COL19A1: variants seen among roughly 807,000 people sequenced by gnomAD.
The protein encoded by COL19A1 is collagen type XIX alpha 1 chain.
A neutral mutation model predicts 190.2 loss-of-function variants in COL19A1; 159 were observed. The observed-to-expected ratio is 0.84, with a 90% CI of 0.73 to 0.95. The LOEUF (loss-of-function observed/expected upper bound fraction) is 0.95, where lower values mean the gene tolerates loss of function less well. COL19A1 is among the 40% of genes least tolerant of loss of function. The probability of loss-of-function intolerance (pLI) is 0.00; values close to 1 mark genes in which losing one functional copy is unlikely to be tolerated. For synonymous variants in COL19A1, 509 were observed against 458.9 expected, an observed-to-expected ratio of 1.11 and a Z score of -1.39; for missense variants, 1,418 against 1,431.9, an observed-to-expected ratio of 0.99 and a Z score of 0.16.
At chr6:70,073,062 A>G (rs1781656543) in intron 15 of COL19A1, among the ~76,000 whole-genome samples, 2 of 151,798 alleles carry the variant, frequency 1.3e-5, no homozygotes, top group African/African-American at 4.8e-5. Flanking sequence ...GTCTTGGCTC[A>G]CTACAACCTC....
At chr6:70,063,996 AC>A (rs1350725846) in intron 14 of COL19A1, among the ~76,000 whole-genome samples, 1 of 152,148 alleles carries the variant, frequency 6.6e-6, no homozygotes, top group Non-Finnish European at 1.5e-5. Flanking sequence ...TAGCTTACCA[AC>A]CAAAAAGAGT....
chr6:70,148,923 T>C (rs1045202126), intron 27 of COL19A1, among the ~76,000 whole-genome samples: 1 of 65,042 alleles, frequency 1.5e-5, no homozygotes, highest in Non-Finnish European at 2.8e-5. Flanking sequence ...TGAGACTCCA[T>C]CTAAAAAAAA....
intron 18 of COL19A1, among the ~76,000 whole-genome samples, chr6:70,132,331 A>G (rs918227903): frequency 5.9e-5 from 9 of 152,076 alleles, no homozygotes; most frequent in Admixed American, 5.9e-4. Flanking sequence ...GCCAGGAGGT[A>G]GAGGCTGCAG....
chr6:69,938,235 T>C (rs1773236054), intron 9 of COL19A1, 135 bp downstream of exon 9: 2 of 778,128 alleles, frequency 2.6e-6, no homozygotes, highest in Non-Finnish European at 2.0e-6. Flanking sequence ...TATATTAAAA[T>C]GCTGATTACT....
At chr6:70,006,490 G>A (rs1236800334) in intron 11 of COL19A1, among the ~76,000 whole-genome samples, 1 of 152,176 alleles carries the variant, frequency 6.6e-6, no homozygotes, top group Non-Finnish European at 1.5e-5. Context: ...GTTCTGATGA[G>A]AGAATCTGGA....
intron 15 of COL19A1, among the ~76,000 whole-genome samples, chr6:70,081,269 A>G (rs1425820536): frequency 1.3e-5 from 2 of 152,130 alleles, no homozygotes; most frequent in African/African-American, 2.4e-5. Flanking sequence ...CTCTACCTCC[A>G]TACTACTTTC....
At chr6:70,138,468 A>G (rs907611524) in intron 19 of COL19A1, among the ~76,000 whole-genome samples, 1 of 152,178 alleles carries the variant, frequency 6.6e-6, no homozygotes, top group African/African-American at 2.4e-5. Flanking sequence ...TTCAAGAATC[A>G]GTGAGAATCA....
At chr6:70,188,028 C>T (rs1378575708) in intron 46 of COL19A1, 47 bp from the exon 47 acceptor site, 1 of 1,602,732 alleles carries the variant, frequency 6.2e-7, no homozygotes, top group African/African-American at 1.3e-5. Flanking sequence ...TCAACTACAG[C>T]TGATGCTAGA....
At chr6:70,178,750 A>G (rs1356901792) in intron 42 of COL19A1, among the ~76,000 whole-genome samples, 2 of 152,170 alleles carry the variant, frequency 1.3e-5, no homozygotes, top group African/African-American at 4.8e-5. Flanking sequence ...AGGGGACCCA[A>G]TCCTGCTCTT....
intron 49 of COL19A1, among the ~76,000 whole-genome samples, chr6:70,206,698 A>T (rs1386861850): frequency 6.6e-6 from 1 of 151,164 alleles, no homozygotes; most frequent in Non-Finnish European, 1.5e-5. Context: ...CATGTTTTTT[A>T]AGATCCTCAT....
intron 16 of COL19A1, among the ~76,000 whole-genome samples, chr6:70,119,924 C>G (rs1784789293): frequency 6.6e-6 from 1 of 152,136 alleles, no homozygotes; most frequent in South Asian, 2.1e-4. Context: ...AACCCTACCT[C>G]TACTAAAAAT....
intron 12 of COL19A1, among the ~76,000 whole-genome samples, chr6:70,031,349 C>T (rs1779063172): frequency 6.6e-6 from 1 of 152,026 alleles, no homozygotes; most frequent in Non-Finnish European, 1.5e-5. Context: ...AAGTGCAATA[C>T]ATTTTTTAAA....
At chr6:70,175,845 G>A (rs781382320) in intron 41 of COL19A1, among the ~76,000 whole-genome samples, 7 of 152,040 alleles carry the variant, frequency 4.6e-5, no homozygotes, top group Non-Finnish European at 8.8e-5. Flanking sequence ...AGCATATCTC[G>A]TCATTCATTA....
chr6:70,177,879 C>G (rs1205328095), intron 42 of COL19A1, among the ~76,000 whole-genome samples: 1 of 152,110 alleles, frequency 6.6e-6, no homozygotes, highest in East Asian at 1.9e-4. Flanking sequence ...TGCTATTACC[C>G]TAAATTAAGC....
chr6:70,198,292 A>G (rs1767336232), intron 48 of COL19A1, among the ~76,000 whole-genome samples: 1 of 152,210 alleles, frequency 6.6e-6, no homozygotes, highest in South Asian at 2.1e-4. Flanking sequence ...TTTCTGGAAG[A>G]TTTGTCTGCA....
intron 25 of COL19A1, among the ~76,000 whole-genome samples, chr6:70,146,343 C>A (rs752096549): frequency 2.6e-5 from 4 of 152,096 alleles, no homozygotes; most frequent in Non-Finnish European, 5.9e-5. Context: ...GCCGGAAAAT[C>A]TAAATAACCA....
At chr6:69,869,687 A>G (rs1047226232) in intron 1 of COL19A1, among the ~76,000 whole-genome samples, 9 of 152,228 alleles carry the variant, frequency 5.9e-5, no homozygotes, top group Admixed American at 5.2e-4. Flanking sequence ...TCAGAAAAAA[A>G]TGTAGGTCAG....
rs1403545613 is a variant in COL19A1 at position 70,146,903 on chromosome 6, A to G, written c.1893+14A>G. 6.4e-7 allele frequency: 1 copy of G among 1,557,016 alleles called. No individual in the cohort carries two copies. The highest frequency in any genetic ancestry group is 1.2e-5 in the South Asian group (1 of 81,466). The stretch of plus-strand genomic sequence containing the variant: ...CCTGGCAGAACAGTAAGTGAAATTC[A>G]TTCGAGTCCTTGTTGATTCCAACAT... On this transcript the variant is annotated intron_variant, in intron 27 of 50. Transcript: ENST00000620364.
intron 9 of COL19A1, among the ~76,000 whole-genome samples, chr6:69,954,605 A>G (rs1293196140): frequency 6.6e-6 from 1 of 152,088 alleles, no homozygotes; most frequent in East Asian, 1.9e-4. Flanking sequence ...CTAGAATTAA[A>G]TATAATAGAA....
Sources: gnomAD v4.1 joint callset for allele counts (sites outside exome capture counted in the v4.1 genomes callset) on GRCh38, gnomAD v4.1.1 for gene constraint, MANE v1.5 for transcripts, NCBI Gene and HGNC (gene_info 2026-07-23, HGNC 2026-07-21) for gene names.